The following VPS13B variants were observed in gnomAD, a reference collection of about 807,000 sequenced individuals.
The protein encoded by VPS13B is intermembrane lipid transfer protein VPS13B.
In VPS13B, 285 loss-of-function variants were observed where a neutral mutation model predicts 426.4. The observed-to-expected ratio is 0.67, with a 90% confidence interval of 0.61 to 0.74. The LOEUF is 0.74. VPS13B is among the 30% of genes least tolerant of loss of function. The pLI, the probability that VPS13B is intolerant of heterozygous loss-of-function variation, is 0.00. For missense variants in VPS13B, 4,537 were observed against 4,782.6 expected, an observed-to-expected ratio of 0.95 and a Z score of 1.51; for synonymous variants, 1,676 against 1,676.4, an observed-to-expected ratio of 1.00 and a Z score of 0.01.
Position 99,641,923 on chromosome 8 carries a change from T to G in VPS13B, c.5333T>G (p.Ile1778Ser), listed in dbSNP as rs1829385225. ...GGAATTGGCAGTGACAGTGTTAAAA[T>G]CAGAATAGTGCAAATAGAGCAGCAC... Reference protein sequence around the residue: ...DSGIGSDSVKIRIVQIEQHSG... With the variant: ...DSGIGSDSVKSRIVQIEQHSG... Residue 1778 changes from isoleucine (I) to serine (S), a missense_variant, in exon 34 of 62, where the codon ATC becomes AGC. Around this residue, in one of 2 missense-constraint regions of VPS13B, gnomAD observed 4,311 missense variants for 4,474.3 expected, o/e 0.96. Transcript: ENST00000357162. 7 of 1,614,104 alleles carry G rather than the reference T, an allele frequency of 4.3e-6. No homozygotes were observed. Among genetic ancestry groups the G allele is most frequent in the Non-Finnish European group, 5.9e-6 (7 of 1,180,006 alleles).
chr8:99,867,449 A>G (rs1198379735), intron 58 of VPS13B, among the ~76,000 whole-genome samples: 2 of 152,180 alleles, frequency 1.3e-5, no homozygotes, highest in African/African-American at 4.8e-5. Context: ...TCGCTATTCT[A>G]AGTGAGGAGT....
chr8:99,029,609 CA>C (rs1330306712), intron 2 of VPS13B, among the ~76,000 whole-genome samples: 33 of 142,738 alleles, frequency 2.3e-4, no homozygotes, highest in Admixed American at 2.8e-4. Context: ...CTGTCTCCAC[CA>C]AAAAAAAAAA....
At chr8:99,498,821 C>G (rs1821072000) in intron 25 of VPS13B, among the ~76,000 whole-genome samples, 1 of 152,090 alleles carries the variant, frequency 6.6e-6, no homozygotes, top group Non-Finnish European at 1.5e-5. Flanking sequence ...TTTTCCCACT[C>G]TTGCATTGAA....
rs550225711 is a variant in VPS13B, at chr8:99,348,513, A to G, written c.2825-35695A>G. 2.6e-5 allele frequency among the ~76,000 whole-genome samples: 4 copies of G among 152,362 alleles called. No individual in the cohort carries two copies. The South Asian group carries it at 6.2e-4, about 24-fold the overall frequency. On this transcript the variant is annotated intron_variant, in intron 19 of 61. Transcript: ENST00000357162. ...TTGTTTTACCTCTGCAGTGCTAAAC[A>G]TCATGGACATAAATTAGATGATGTT...
chr8:99,392,745 T>G (rs1480504095), intron 21 of VPS13B, among the ~76,000 whole-genome samples: 1 of 152,120 alleles, frequency 6.6e-6, no homozygotes, highest in Non-Finnish European at 1.5e-5. Context: ...GTATTATTAT[T>G]TTGTGCTTTA....
chr8:99,835,044 T>C (rs905689481), intron 52 of VPS13B, among the ~76,000 whole-genome samples, 153 bp from the exon 53 acceptor site: 5 of 152,250 alleles, frequency 3.3e-5, no homozygotes, highest in African/African-American at 1.2e-4. Context: ...ATTATAAATA[T>C]GTTACTGTTA....
At chr8:99,353,444 C>A (rs1004588705) in intron 19 of VPS13B, among the ~76,000 whole-genome samples, 2 of 152,082 alleles carry the variant, frequency 1.3e-5, no homozygotes, top group Non-Finnish European at 2.9e-5. Flanking sequence ...GTATTCTAAT[C>A]CTTTGACATT....
intron 31 of VPS13B, among the ~76,000 whole-genome samples, chr8:99,560,791 C>T (rs770688729): frequency 7.2e-5 from 11 of 152,214 alleles, no homozygotes; most frequent in Non-Finnish European, 4.4e-5. Flanking sequence ...TAGCATCCAG[C>T]TTCAAGCCTT....
chr8:99,275,120 G>T lies in VPS13B; in HGVS notation c.2690G>T (p.Gly897Val). The T allele has an allele frequency of 6.2e-7, 1 of 1,610,938 alleles. No homozygotes were observed. The highest frequency in any genetic ancestry group is 8.5e-7 in the Non-Finnish European group (1 of 1,178,728). ...GAGAAGTTGATTCCCTTGCTTCAGGGTCCTTCTGACACTAAAGACCTTCAT... is the reference window on the plus strand; with the variant it reads ...GAGAAGTTGATTCCCTTGCTTCAGGTTCCTTCTGACACTAAAGACCTTCAT... ...GKEKLIPLLQ[G>V]PSDTKDLHST... The change falls in exon 19 of 62, where the codon GGT becomes GTT. Residue 897 changes from glycine (G) to valine (V), a missense_variant. This residue lies in a region of VPS13B where 4,311 missense variants were observed against 4,474.3 expected (regional missense o/e 0.96). Transcript: ENST00000357162.
At chr8:99,805,843 A>G (rs867883998) in intron 43 of VPS13B, among the ~76,000 whole-genome samples, 6 of 152,312 alleles carry the variant, frequency 3.9e-5, no homozygotes, top group Middle Eastern at 3.4e-3. Context: ...AATATTAGAC[A>G]CTATCTAAGT....
At chr8:99,568,157 TA>T (rs1405260621) in intron 31 of VPS13B, among the ~76,000 whole-genome samples, 3 of 152,158 alleles carry the variant, frequency 2.0e-5, no homozygotes, top group Non-Finnish European at 4.4e-5. Context: ...AGAAAAGGGC[TA>T]AATAATGAAC....
At position 99,446,389 on chromosome 8, in the gene VPS13B, C is replaced by A. The variant is rs576829541; in HGVS notation, c.3445+3754C>A. ...TCATGTTTCCTTGGAAGTCGTTTGTCCTTTTCCTCTGGGTTCTTTAAGGAT... is the reference window on the plus strand; with the variant it reads ...TCATGTTTCCTTGGAAGTCGTTTGTACTTTTCCTCTGGGTTCTTTAAGGAT... On this transcript the variant is annotated intron_variant, in intron 23 of 61. Coordinates refer to ENST00000357162, the MANE Select transcript of VPS13B (RefSeq NM_152564.5). 3.3e-5 allele frequency among the ~76,000 whole-genome samples: 5 copies of A among 152,062 alleles called. No individual in the cohort carries two copies. The South Asian group carries it at 1.0e-3, about 32-fold the overall frequency.
At chr8:99,280,030 A>G (rs1409997304) in intron 19 of VPS13B, among the ~76,000 whole-genome samples, 1 of 152,132 alleles carries the variant, frequency 6.6e-6, no homozygotes, top group Non-Finnish European at 1.5e-5. Flanking sequence ...CTGCCTGCCA[A>G]AGTCCTGGGA....
At chr8:99,114,434 C>T (rs1223378184) in intron 6 of VPS13B, among the ~76,000 whole-genome samples, 2 of 152,100 alleles carry the variant, frequency 1.3e-5, no homozygotes, top group African/African-American at 2.4e-5. Context: ...ATTAATCTTA[C>T]TCATTTTAAG....
intron 33 of VPS13B, among the ~76,000 whole-genome samples, chr8:99,598,090 C>T (rs1827107114): frequency 1.3e-5 from 2 of 151,996 alleles, no homozygotes; most frequent in Admixed American, 1.3e-4. Context: ...CCATGGAGTG[C>T]TTTGAATATC....
At chr8:99,687,910 G>A (rs1418352502) in intron 35 of VPS13B, among the ~76,000 whole-genome samples, 1 of 151,932 alleles carries the variant, frequency 6.6e-6, no homozygotes, top group Non-Finnish European at 1.5e-5. Flanking sequence ...CTATCCAGCT[G>A]TCTTGCTCTG....
At chr8:99,423,669 C>G (rs1351055609) in intron 21 of VPS13B, among the ~76,000 whole-genome samples, 1 of 152,092 alleles carries the variant, frequency 6.6e-6, no homozygotes, top group Non-Finnish European at 1.5e-5. Context: ...TCACAAGAGG[C>G]TTCAACAATG....
intron 3 of VPS13B, among the ~76,000 whole-genome samples, chr8:99,063,346 A>C (rs1193035377): frequency 1.3e-5 from 2 of 152,208 alleles, no homozygotes; most frequent in East Asian, 3.9e-4. Context: ...CGGTACCTGG[A>C]AAAACAGGAC....
Position 99,515,204 on chromosome 8 carries a change from GT to G in VPS13B, c.4633+3695del, listed in dbSNP as rs150048484. On this transcript the variant is annotated intron_variant, in intron 29 of 61. Coordinates refer to ENST00000357162, the MANE Select transcript of VPS13B (RefSeq NM_152564.5). ...ATTTTCTGTGGGGCTTTTTTAGTTTGTTTATATGTTTTTGTTTTGGGCTTAT... is the reference window on the plus strand; with the variant it reads ...ATTTTCTGTGGGGCTTTTTTAGTTTGTTATATGTTTTTGTTTTGGGCTTAT... Among the ~76,000 whole-genome samples, 488 of 152,198 alleles carry G rather than the reference GT, an allele frequency of 3.2e-3. 5 individuals carry two copies. Among genetic ancestry groups the G allele is most frequent in the African/African-American group, 0.011 (461 of 41,558 alleles).
Sources: gnomAD v4.1 joint callset for allele counts (sites outside exome capture counted in the v4.1 genomes callset) on GRCh38, gnomAD v4.1.1 for gene constraint, gnomAD v4.1.1 regional missense constraint, MANE v1.5 for transcripts, NCBI Gene and HGNC (gene_info 2026-07-23, HGNC 2026-07-21) for gene names.